The following SAMD4A variants were observed in gnomAD, a reference collection of about 807,000 sequenced individuals.
The protein encoded by SAMD4A is protein Smaug homolog 1.
In SAMD4A, 33 loss-of-function variants were observed where a neutral mutation model predicts 81.3. That is an observed-to-expected ratio of 0.41 (90% CI 0.31 to 0.54). The LOEUF is 0.54. Among genes scored for constraint, SAMD4A ranks in the 20% least tolerant of loss-of-function variants. SAMD4A has a pLI of 0.37. For missense variants in SAMD4A, 854 were observed against 951.1 expected (o/e 0.90, Z 1.34); for synonymous variants, 389 against 382.1 (o/e 1.02, Z -0.21).
intron 2 of SAMD4A, among the ~76,000 whole-genome samples, chr14:54,663,951 C>T (rs1254504650): frequency 6.6e-6 from 1 of 152,174 alleles, no homozygotes; most frequent in East Asian, 1.9e-4. Context: ...TGTACTTATT[C>T]TAAGACATGT....
chr14:54,681,146 C>T (rs1044381262), intron 2 of SAMD4A, among the ~76,000 whole-genome samples: 2 of 152,132 alleles, frequency 1.3e-5, no homozygotes, highest in African/African-American at 4.8e-5. Context: ...GGCTGGGAAC[C>T]AGGAGTAAGG....
chr14:54,785,554 A>G lies in SAMD4A; in HGVS notation c.2128+934A>G, dbSNP rs559327768. 1.2e-4 allele frequency among the ~76,000 whole-genome samples: 18 copies of G among 152,266 alleles called. No individual in the cohort carries two copies. In the South Asian group the frequency reaches 3.7e-3, roughly 32 times the overall value. ...ACACTTGCTCTTAGCCAAAAGGCCGAGAAGCGATAGCCCTATCCAGTCTAG... is the reference window on the plus strand; with the variant it reads ...ACACTTGCTCTTAGCCAAAAGGCCGGGAAGCGATAGCCCTATCCAGTCTAG... On this transcript the variant is annotated intron_variant, in intron 12 of 12. Transcript: ENST00000554335.
At chr14:54,687,640 G>A (rs2036310589) in intron 2 of SAMD4A, among the ~76,000 whole-genome samples, 2 of 152,134 alleles carry the variant, frequency 1.3e-5, no homozygotes, top group African/African-American at 4.8e-5. Context: ...AAGGCAGCCA[G>A]GTCCCCTGGA....
chr14:54,748,816 T>C lies in SAMD4A; in HGVS notation c.981T>C (p.Asp327=), dbSNP rs368122696. The C allele has an allele frequency of 9.9e-5, 153 of 1,550,964 alleles. No individual in the cohort carries two copies. Among genetic ancestry groups the C allele is most frequent in the Non-Finnish European group, 1.3e-4 (151 of 1,146,076 alleles). The change falls in exon 5 of 13, where the codon GAT becomes GAC. Residue 327 remains aspartate (D), a splice_region_variant and synonymous_variant. Transcript: ENST00000554335. Reference sequence around the variant, plus strand: ...TCTCTTGCACATCTTGCACCACAGATGTTCCAGCCTGGCTGAAAAGCCTCC... The same window carrying C: ...TCTCTTGCACATCTTGCACCACAGACGTTCCAGCCTGGCTGAAAAGCCTCC... ...TFQEEGSGMK[D]VPAWLKSLRL...
intron 2 of SAMD4A, among the ~76,000 whole-genome samples, chr14:54,609,607 A>G (rs550623613): frequency 6.6e-6 from 1 of 152,226 alleles, no homozygotes. Context: ...GGGCTAATTT[A>G]TGACGTCTGG....
chr14:54,780,523 A>C lies in SAMD4A; in HGVS notation c.2044+3983A>C, dbSNP rs558193186. Among the ~76,000 whole-genome samples, 6 of 152,348 alleles carry C rather than the reference A, an allele frequency of 3.9e-5. No individual in the cohort carries two copies. The South Asian group carries it at 1.2e-3, about 32-fold the overall frequency. On this transcript the variant is annotated intron_variant, in intron 11 of 12. Transcript: ENST00000554335. ...AGGCAGAAACCAGAACAGGGACCCA[A>C]GTACAGTACTGGATAAATATTTCCT...
At chr14:54,734,439 A>G (rs1373079761) in intron 3 of SAMD4A, among the ~76,000 whole-genome samples, 2 of 152,162 alleles carry the variant, frequency 1.3e-5, no homozygotes, top group African/African-American at 4.8e-5. Flanking sequence ...CCCTTTATAG[A>G]AAGTCATCAG....
At chr14:54,630,908 A>ATATG (rs1051037883) in intron 2 of SAMD4A, among the ~76,000 whole-genome samples, 1,738 of 144,356 alleles carry the variant, frequency 0.012, 47 homozygotes, top group African/African-American at 0.034. Context: ...TGTATTTTAT[A>ATATG]TGTGTGTGTG....
At chr14:54,739,924 C>G (rs6572969) in intron 4 of SAMD4A, among the ~76,000 whole-genome samples, 3,613 of 152,322 alleles carry the variant, frequency 0.024, 57 homozygotes, top group Middle Eastern at 0.095. Context: ...AATCCCAACA[C>G]TTTGGAAGGC....
chr14:54,689,144 C>T (rs2036363487), intron 2 of SAMD4A, among the ~76,000 whole-genome samples: 1 of 152,070 alleles, frequency 6.6e-6, no homozygotes. Context: ...GTTGGCCAGG[C>T]TGGTCTCAAA....
intron 3 of SAMD4A, among the ~76,000 whole-genome samples, chr14:54,723,534 C>G (rs991021670): frequency 2.6e-5 from 4 of 152,178 alleles, no homozygotes; most frequent in Non-Finnish European, 4.4e-5. Context: ...TCCTCAAAAA[C>G]TTTCATTAGT....
At chr14:54,646,720 C>G (rs2035295499) in intron 2 of SAMD4A, among the ~76,000 whole-genome samples, 1 of 152,134 alleles carries the variant, frequency 6.6e-6, no homozygotes, top group African/African-American at 2.4e-5. Flanking sequence ...GGAGAATGGG[C>G]CTGTAAGCAC....
At chr14:54,664,195 A>G (rs188385794) in intron 2 of SAMD4A, among the ~76,000 whole-genome samples, 76 of 152,224 alleles carry the variant, frequency 5.0e-4, no homozygotes, top group Non-Finnish European at 4.4e-5. Flanking sequence ...TCTCTTCTTT[A>G]AAGAAAGAGA....
intron 8 of SAMD4A, among the ~76,000 whole-genome samples, chr14:54,766,597 G>A (rs567353451): frequency 6.6e-6 from 1 of 152,298 alleles, no homozygotes; most frequent in Non-Finnish European, 1.5e-5. Context: ...GGAGGCAGAA[G>A]AGAGTGATGT....
Position 54,790,319 on chromosome 14 carries a change from T to G in SAMD4A, c.*1375T>G, listed in dbSNP as rs1460330544. The stretch of plus-strand genomic sequence containing the variant: ...GCCATCTCCAGTGGGCGATGAAAGA[T>G]GTAGGAAAGGTTGATTTCAAGATGG... On this transcript the variant is annotated 3_prime_UTR_variant, in exon 13 of 13. Coordinates refer to ENST00000554335, the MANE Select transcript of SAMD4A (RefSeq NM_015589.6). 1.3e-5 allele frequency: 2 copies of G among 152,202 alleles called. No homozygotes were observed. Among genetic ancestry groups the G allele is most frequent in the African/African-American group, 4.8e-5 (2 of 41,416 alleles). 9.4% of individuals were successfully genotyped at this position (152,202 alleles called of 1,614,324 possible).
intron 2 of SAMD4A, among the ~76,000 whole-genome samples, chr14:54,612,692 T>C (rs542507451): frequency 1.6e-3 from 246 of 152,298 alleles, no homozygotes; most frequent in Non-Finnish European, 3.1e-3. Flanking sequence ...AATGACCCAT[T>C]CAAAGCAGTT....
At chr14:54,741,254 AAGAG>A (rs1450489725) in intron 4 of SAMD4A, among the ~76,000 whole-genome samples, 1 of 152,172 alleles carries the variant, frequency 6.6e-6, no homozygotes, top group African/African-American at 2.4e-5. Context: ...GGCCAAGAAA[AAGAG>A]AGAGAGAAAA....
intron 3 of SAMD4A, among the ~76,000 whole-genome samples, chr14:54,711,186 A>T (rs1323864600): frequency 6.6e-6 from 1 of 152,206 alleles, no homozygotes; most frequent in Admixed American, 6.5e-5. Flanking sequence ...TGTCCCTAGG[A>T]ATTCACTAAA....
In SAMD4A at chr14:54,760,380, G is replaced by A. The variant is rs758246498; in HGVS notation, c.1396G>A (p.Gly466Arg). Residue 466 changes from glycine (G) to arginine (R), a missense_variant, in exon 7 of 13, where the codon GGG becomes AGG. Physicochemically the swap from Gly to Arg is moderately radical, Grantham distance 125. This residue lies in a region of SAMD4A where 428 missense variants were observed against 471.2 expected (regional missense o/e 0.91). Coordinates refer to ENST00000554335, the MANE Select transcript of SAMD4A (RefSeq NM_015589.6). ...TGGCGCCACGGCCACCCCCTCGGCC[G>A]GGGCCAGCGGGGGGCTCCAGCCGCA... Reference protein sequence around the residue: ...ATGATATPSAGASGGLQPHQL... With the variant: ...ATGATATPSARASGGLQPHQL... 1.1e-5 allele frequency: 16 copies of A among 1,516,596 alleles called. No individual in the cohort carries two copies. The highest frequency in any genetic ancestry group is 5.7e-5 in the African/African-American group (4 of 69,864). The allele number at this position is 1,516,596 out of a possible 1,614,324, so 93.9% of individuals were successfully genotyped here. A position where few individuals can be genotyped will look rare whatever the true frequency, so the allele number is the denominator to read the frequency against.
Sources: gnomAD v4.1 joint callset for allele counts (sites outside exome capture counted in the v4.1 genomes callset) on GRCh38, gnomAD v4.1.1 for gene constraint, gnomAD v4.1.1 regional missense constraint, MANE v1.5 for transcripts, NCBI Gene and HGNC (gene_info 2026-07-23, HGNC 2026-07-21) for gene names.